ATG2B: variants seen among roughly 807,000 people sequenced by gnomAD.
The protein encoded by ATG2B is autophagy-related protein 2 homolog B.
Under a neutral mutation model 241.3 loss-of-function variants are expected in ATG2B, and 121 were observed. The ratio of observed to expected loss-of-function variants is 0.50; its 90% confidence interval spans 0.43 to 0.58. The LOEUF (loss-of-function observed/expected upper bound fraction) is 0.58. Among genes scored for constraint, ATG2B ranks in the 20% least tolerant of loss-of-function variants. ATG2B has a pLI of 0.00. For synonymous variants in ATG2B, 858 were observed against 876.6 expected, an observed-to-expected ratio of 0.98 and a Z score of 0.37; for missense variants, 2,306 against 2,491.6, an observed-to-expected ratio of 0.93 and a Z score of 1.59.
intron 1 of ATG2B, among the ~76,000 whole-genome samples, chr14:96,353,211 CACA>C (rs996641668): frequency 6.6e-6 from 1 of 152,142 alleles, no homozygotes; most frequent in Non-Finnish European, 1.5e-5. Flanking sequence ...ATGACGTTCA[CACA>C]ACAAAACTGC....
chr14:96,310,647 T>C (rs1887125187), intron 28 of ATG2B, among the ~76,000 whole-genome samples: 1 of 152,060 alleles, frequency 6.6e-6, no homozygotes, highest in South Asian at 2.1e-4. Context: ...CACCAGGTCA[T>C]CATGAAAGGA....
Position 96,345,297 on chromosome 14 carries a change from A to C in ATG2B, c.414T>G (p.Asp138Glu). 1 of 1,613,456 alleles carries C rather than the reference A, an allele frequency of 6.2e-7. No individual in the cohort carries two copies. Among genetic ancestry groups the C allele is most frequent in the South Asian group, 1.1e-5 (1 of 91,028 alleles). ...AKECLSQKLT[D>E]EQGEGSQPFE... ...AAGGCTGGGATCCTTCTCCTTGTTCATCTGTTAGTTTCTGGCTAAGACATT... is the reference window on the plus strand; with the variant it reads ...AAGGCTGGGATCCTTCTCCTTGTTCCTCTGTTAGTTTCTGGCTAAGACATT... Residue 138 changes from aspartate to glutamate, a missense_variant, in exon 3 of 42, where the codon GAT (aspartate) becomes GAG (glutamate). By Grantham distance (45) the Asp-to-Glu change is conservative (BLOSUM62 2). Coordinates refer to ENST00000359933, the MANE Select transcript of ATG2B (RefSeq NM_018036.7).
At chr14:96,295,300 G>A (rs1886605656) in intron 35 of ATG2B, 133 bp from the exon 36 acceptor site, 1 of 989,500 alleles carries the variant, frequency 1.0e-6, no homozygotes. Flanking sequence ...GAGAAAATTT[G>A]CTTTCACCTT....
intron 6 of ATG2B, among the ~76,000 whole-genome samples, chr14:96,339,930 C>T (rs1459926448): frequency 6.6e-6 from 1 of 151,016 alleles, no homozygotes; most frequent in African/African-American, 2.4e-5. Flanking sequence ...ATAGAACTTC[C>T]ATATGATTCA....
chr14:96,331,748 G>T, intron 10 of ATG2B, 111 bp from the exon 11 acceptor site: 1 of 845,002 alleles, frequency 1.2e-6, no homozygotes, highest in Non-Finnish European at 1.8e-6. Context: ...TCATACAACA[G>T]TTTGAATGAT....
At chr14:96,286,831 C>T (rs777459786) in intron 41 of ATG2B, among the ~76,000 whole-genome samples, 1 of 152,112 alleles carries the variant, frequency 6.6e-6, no homozygotes, top group Non-Finnish European at 1.5e-5. Context: ...CATAAAGGAA[C>T]TTTGAGTTCT....
chr14:96,353,470 C>CA (rs112269934), intron 1 of ATG2B, among the ~76,000 whole-genome samples: 1,567 of 151,950 alleles, frequency 0.01, 24 homozygotes, highest in African/African-American at 0.036. Context: ...ACTAAAAACC[C>CA]AAAAAATTAG....
At chr14:96,307,427 AC>A (rs200361250) in intron 29 of ATG2B, among the ~76,000 whole-genome samples, 66 of 148,606 alleles carry the variant, frequency 4.4e-4, no homozygotes, top group Non-Finnish European at 3.2e-4. Flanking sequence ...AAACAAACAA[AC>A]AAAAAACAAC....
Position 96,304,503 on chromosome 14 carries a change from G to A in ATG2B, c.4834C>T (p.Leu1612=). ...TTCAAATGCCATCTTACCTTGCTTA[G>A]CTGTATTTCCATTAAAAAGTCATGG... is the stretch of plus-strand genomic sequence containing the variant. The part of the protein sequence containing the change: ...RNHDFLMEIQ[L]SKVKFQHEVY... The change falls in exon 32 of 42, where the codon CTA becomes TTA. Residue 1612 remains leucine (L), a synonymous_variant. Transcript: ENST00000359933. The A allele has an allele frequency of 6.2e-7, 1 of 1,611,576 alleles. No individual in the cohort carries two copies. Among genetic ancestry groups the A allele is most frequent in the East Asian group, 2.2e-5 (1 of 44,822 alleles).
At chr14:96,292,870 A>C (rs1886525905) in intron 36 of ATG2B, 1 of 152,222 alleles carries the variant, frequency 6.6e-6, no homozygotes, top group African/African-American at 2.4e-5. Flanking sequence ...TCCCTTATAT[A>C]AAATGGGATA....
In ATG2B at chr14:96,317,741, G is replaced by C; in HGVS notation, c.2994C>G (p.Phe998Leu). 6.2e-7 allele frequency: 1 copy of C among 1,611,866 alleles called. No individual in the cohort carries two copies. Among genetic ancestry groups the C allele is most frequent in the African/African-American group, 1.3e-5 (1 of 74,990 alleles). Residue 998 changes from phenylalanine (F) to leucine (L), a missense_variant, in exon 19 of 42, where the codon TTC (phenylalanine) becomes TTG (leucine). Phe to Leu is a conservative substitution (Grantham distance 22, BLOSUM62 0). This residue lies in a region of ATG2B where 1,927 missense variants were observed against 2,011.2 expected (regional missense o/e 0.96). Transcript: ENST00000359933. The part of the protein sequence containing the change: ...LSVASQLINT[F>L]NKDSFSAFKS... ...TAAATGCACTAAAACTATCTTTGTT[G>C]AAAGTATTAATGAGCTGACTGGCTA...
At chr14:96,354,803 A>G (rs1888429730) in intron 1 of ATG2B, among the ~76,000 whole-genome samples, 1 of 151,828 alleles carries the variant, frequency 6.6e-6, no homozygotes, top group East Asian at 1.9e-4. Context: ...TTTTGTTGTT[A>G]TTGTTGTTGT....
chr14:96,294,288 G>A (rs7158344), intron 36 of ATG2B, among the ~76,000 whole-genome samples: 4 of 152,156 alleles, frequency 2.6e-5, no homozygotes, highest in African/African-American at 4.8e-5. Flanking sequence ...ATAACAAGGG[G>A]GCACTGATCT....
In ATG2B at chr14:96,285,870, T is replaced by G; in HGVS notation, c.6122A>C (p.Lys2041Thr). 2.5e-6 allele frequency: 4 copies of G among 1,614,146 alleles called. No individual in the cohort carries two copies. The highest frequency in any genetic ancestry group is 3.4e-6 in the Non-Finnish European group (4 of 1,180,030). ...VLRQIPPAVV[K>T]PLIVATEATS... ...TGCTTCTGTGGCAACAATCAGAGGT[T>G]TCACCACTGCCGGAGGAATCTGGCG... The change falls in exon 42 of 42, where the codon AAA becomes ACA. Residue 2041 changes from lysine to threonine, a missense_variant. Around this residue, in one of 2 missense-constraint regions of ATG2B, gnomAD observed 379 missense variants for 480.4 expected, o/e 0.79. Coordinates refer to ENST00000359933, the MANE Select transcript of ATG2B (RefSeq NM_018036.7). This position sits in a 1 kb window ranked among gnomAD's most constrained non-coding sequence, Gnocchi z 4.2.
chr14:96,309,482 C>G lies in ATG2B; in HGVS notation c.4274G>C (p.Gly1425Ala). 1.9e-6 allele frequency: 3 copies of G among 1,613,972 alleles called. No individual in the cohort carries two copies. Among genetic ancestry groups the G allele is most frequent in the Non-Finnish European group, 2.5e-6 (3 of 1,179,914 alleles). The change falls in exon 29 of 42, where the codon GGC (glycine) becomes GCC (alanine). Residue 1425 changes from glycine to alanine, a missense_variant. Physicochemically the swap from Gly to Ala is moderately conservative, Grantham distance 60 (BLOSUM62 0). Around this residue, in one of 2 missense-constraint regions of ATG2B, gnomAD observed 1,927 missense variants for 2,011.2 expected, o/e 0.96. Transcript: ENST00000359933. ...DAMEEIDMQQ[G>A]TSSVKPQANG... is the part of the protein sequence containing the mutation. Reference sequence around the variant, plus strand: ...AGCCTGTGGTTTTACTGACGAGGTGCCTTGTTGCATGTCGATCTCCTCCAT... The same window carrying G: ...AGCCTGTGGTTTTACTGACGAGGTGGCTTGTTGCATGTCGATCTCCTCCAT...
chr14:96,335,091 T>C (rs979978663), intron 6 of ATG2B, among the ~76,000 whole-genome samples: 1 of 152,164 alleles, frequency 6.6e-6, no homozygotes, highest in Non-Finnish European at 1.5e-5. Context: ...CTTTTCCAAC[T>C]CTTTGCCCAC....
chr14:96,340,181 A>G (rs561841047), intron 6 of ATG2B, among the ~76,000 whole-genome samples: 1 of 129,270 alleles, frequency 7.7e-6, no homozygotes, highest in South Asian at 2.4e-4. Flanking sequence ...ATATTCACAC[A>G]CACGTATATA....
In ATG2B at chr14:96,327,127, T is replaced by C. The variant is rs201322786; in HGVS notation, c.2164-1205A>G. Reference sequence around the variant, plus strand: ...GGCACATGCATGTAGCCCCAACTATTTGGGGGGCTGAGGTAGAAGGATCGC... The same window carrying C: ...GGCACATGCATGTAGCCCCAACTATCTGGGGGGCTGAGGTAGAAGGATCGC... On this transcript the variant is annotated intron_variant, in intron 14 of 41. Transcript: ENST00000359933. Among the ~76,000 whole-genome samples, 8 of 152,036 alleles carry C rather than the reference T, an allele frequency of 5.3e-5. No individual in the cohort carries two copies. In the East Asian group the frequency reaches 7.8e-4, roughly 15 times the overall value.
At chr14:96,359,581 T>C (rs551058417) in intron 1 of ATG2B, among the ~76,000 whole-genome samples, 3 of 152,218 alleles carry the variant, frequency 2.0e-5, no homozygotes, top group South Asian at 4.1e-4. Flanking sequence ...GGCACAGTCA[T>C]AGAGTTAAAA....
Sources: allele counts gnomAD v4.1 joint callset (sites outside exome capture counted in the v4.1 genomes callset), GRCh38; gene constraint gnomAD v4.1.1; regional missense constraint gnomAD v4.1.1; non-coding constraint Gnocchi (gnomAD v3.1); transcripts MANE v1.5; gene names NCBI Gene and HGNC (gene_info 2026-07-23, HGNC 2026-07-21).